CADPS: variants seen among roughly 807,000 people sequenced by gnomAD.
The protein encoded by CADPS is calcium-dependent secretion activator 1.
CADPS carries 57 observed loss-of-function variants against 167.3 expected under a neutral mutation model. The observed-to-expected ratio is 0.34, with a 90% CI of 0.28 to 0.42. The LOEUF (loss-of-function observed/expected upper bound fraction) is 0.42, where lower values mean the gene tolerates loss of function less well. Ranked by LOEUF, CADPS falls within the 20% of genes least tolerant of loss-of-function variation. CADPS has a pLI of 1.00. For missense variants in CADPS, 1,414 were observed against 1,738.1 expected, an observed-to-expected ratio of 0.81 and a Z score of 3.32; for synonymous variants, 676 against 635.3, an observed-to-expected ratio of 1.06 and a Z score of -0.96.
rs1021325053 is a variant in CADPS at position 62,428,870 on chromosome 3, G to A, written c.3777+9234C>T. ...GGACAGTGGCTGCTACTGGTGTCTA[G>A]AGTAGAAACCAGGGATGCTGCTCAA... On this transcript the variant is annotated intron_variant, in intron 28 of 29. Transcript: ENST00000383710. 7.2e-5 allele frequency among the ~76,000 whole-genome samples: 11 copies of A among 152,302 alleles called. 1 individual carries two copies. In the South Asian group the frequency reaches 1.0e-3, roughly 14 times the overall value.
In CADPS at chr3:62,874,869, C is replaced by CCGG. The variant is rs2083381361; in HGVS notation, c.158_160dup (p.Ala53dup). ...GCCTGCACCCACCCCGGCTCCGGCG[C>CCGG]CGGCGCCGCCGCCCCCCAGCCCGGC... On this transcript the variant is annotated inframe_insertion, in exon 1 of 30. Coordinates refer to ENST00000383710, the MANE Select transcript of CADPS (RefSeq NM_003716.4). This position sits in a 1 kb window ranked among gnomAD's most constrained non-coding sequence, Gnocchi z 7.1. The CCGG allele has an allele frequency of 1.8e-6, 2 of 1,132,488 alleles. No homozygotes were observed. The highest frequency in any genetic ancestry group is 2.2e-6 in the Non-Finnish European group (2 of 927,188). 70.2% of individuals were successfully genotyped at this position (1,132,488 alleles called of 1,614,324 possible).
chr3:62,525,643 G>C (rs1272476588), intron 13 of CADPS, among the ~76,000 whole-genome samples: 5 of 151,488 alleles, frequency 3.3e-5, no homozygotes, highest in Non-Finnish European at 7.4e-5. Flanking sequence ...ATCTTTGTGG[G>C]AAAAAGGGTT....
intron 6 of CADPS, among the ~76,000 whole-genome samples, chr3:62,605,387 A>C (rs2060564189): frequency 6.6e-6 from 1 of 152,260 alleles, no homozygotes; most frequent in African/African-American, 2.4e-5. Context: ...AGACTCTTCT[A>C]TATCTATCAT....
intron 1 of CADPS, among the ~76,000 whole-genome samples, chr3:62,784,113 A>C (rs1196692176): frequency 6.6e-6 from 1 of 152,186 alleles, no homozygotes; most frequent in Non-Finnish European, 1.5e-5. Context: ...GCTATCAAAG[A>C]CTGCTGGGAT....
At chr3:62,484,134 T>C (rs2062447404) in intron 21 of CADPS, among the ~76,000 whole-genome samples, 2 of 152,196 alleles carry the variant, frequency 1.3e-5, no homozygotes. Context: ...ACTGGACTCA[T>C]AGAAACATTT....
chr3:62,637,641 C>T (rs1287449880), intron 6 of CADPS, among the ~76,000 whole-genome samples: 2 of 152,114 alleles, frequency 1.3e-5, no homozygotes, highest in East Asian at 1.9e-4. Flanking sequence ...GAAATGCACG[C>T]TTTTAGATAG....
chr3:62,799,028 A>G (rs796926134), intron 1 of CADPS, among the ~76,000 whole-genome samples: 1 of 152,108 alleles, frequency 6.6e-6, no homozygotes, highest in South Asian at 2.1e-4. Flanking sequence ...TGCTTGTCCA[A>G]GCTTTACCTG....
At chr3:62,586,940 G>T (rs2084778295) in intron 7 of CADPS, among the ~76,000 whole-genome samples, 3 of 152,158 alleles carry the variant, frequency 2.0e-5, no homozygotes, top group Non-Finnish European at 4.4e-5. Context: ...CTATCTTTAA[G>T]GTACCACATA....
intron 3 of CADPS, among the ~76,000 whole-genome samples, chr3:62,724,192 T>G (rs760090685): frequency 2.0e-5 from 3 of 152,216 alleles, no homozygotes; most frequent in Non-Finnish European, 4.4e-5. Flanking sequence ...TGCTGCACTT[T>G]CATTCACCAT....
At chr3:62,657,415 G>GC (rs1407551540) in intron 4 of CADPS, among the ~76,000 whole-genome samples, 1 of 152,036 alleles carries the variant, frequency 6.6e-6, no homozygotes, top group East Asian at 1.9e-4. Context: ...CTAAAATTCG[G>GC]CCAAAAGAAC....
intron 1 of CADPS, among the ~76,000 whole-genome samples, chr3:62,853,637 AAAGAAAAG>A (rs2079069998): frequency 7.0e-6 from 1 of 143,424 alleles, no homozygotes; most frequent in Non-Finnish European, 1.5e-5. Context: ...AAAAAAAAAA[AAAGAAAAG>A]AAAAGAAAAG....
intron 28 of CADPS, among the ~76,000 whole-genome samples, chr3:62,431,167 G>C (rs2053857477): frequency 6.6e-6 from 1 of 152,154 alleles, no homozygotes; most frequent in East Asian, 1.9e-4. Flanking sequence ...GAAAATCCCG[G>C]TAGAATTAAC....
intron 1 of CADPS, among the ~76,000 whole-genome samples, chr3:62,828,099 C>T (rs753927311): frequency 3.3e-5 from 5 of 152,124 alleles, no homozygotes; most frequent in Non-Finnish European, 7.4e-5. Context: ...TGGTGGGTTC[C>T]CAACCATTAA....
chr3:62,491,545 AC>A, intron 20 of CADPS, 65 bp from the exon 21 acceptor site: 1 of 1,128,606 alleles, frequency 8.9e-7, no homozygotes, highest in Non-Finnish European at 1.3e-6. Flanking sequence ...CAACACACAC[AC>A]ACACACACAC....
intron 1 of CADPS, among the ~76,000 whole-genome samples, chr3:62,791,822 T>C (rs763392360): frequency 2.6e-5 from 4 of 152,236 alleles, no homozygotes; most frequent in African/African-American, 4.8e-5. Flanking sequence ...TTTACCTCTC[T>C]GTTTCCCCAT....
chr3:62,820,803 T>G (rs1213202779), intron 1 of CADPS, among the ~76,000 whole-genome samples: 3 of 150,682 alleles, frequency 2.0e-5, no homozygotes, highest in Non-Finnish European at 4.4e-5. Context: ...TGGTTTTTTT[T>G]TTTTTTCTGT....
chr3:62,467,868 T>C (rs1009286849), intron 24 of CADPS, among the ~76,000 whole-genome samples: 1 of 152,136 alleles, frequency 6.6e-6, no homozygotes, highest in Non-Finnish European at 1.5e-5. Flanking sequence ...AGAGTCTAGA[T>C]GTGAAAATAT....
At chr3:62,627,763 G>A (rs539950306) in intron 6 of CADPS, among the ~76,000 whole-genome samples, 54 of 152,120 alleles carry the variant, frequency 3.5e-4, no homozygotes, top group South Asian at 8.3e-4. Context: ...ATGCTCGCTC[G>A]AGTCTGCCTT....
At chr3:62,682,081 G>A (rs1309335916) in intron 3 of CADPS, among the ~76,000 whole-genome samples, 1 of 152,058 alleles carries the variant, frequency 6.6e-6, no homozygotes, top group Non-Finnish European at 1.5e-5. Context: ...AAATGCTAGT[G>A]AGCAATTTTT....
Sources: allele counts gnomAD v4.1 joint callset (sites outside exome capture counted in the v4.1 genomes callset), GRCh38; gene constraint gnomAD v4.1.1; non-coding constraint Gnocchi (gnomAD v3.1); transcripts MANE v1.5; gene names NCBI Gene and HGNC (gene_info 2026-07-23, HGNC 2026-07-21).